The following MGRN1 variants were observed in gnomAD, a reference collection of about 807,000 sequenced individuals.
MGRN1 encodes mahogunin ring finger 1.
MGRN1 carries 29 observed loss-of-function variants against 69.2 expected under a neutral mutation model. The ratio of observed to expected loss-of-function variants is 0.42; its 90% CI spans 0.31 to 0.57. The LOEUF (loss-of-function observed/expected upper bound fraction) is 0.57. Ranked by LOEUF, MGRN1 falls within the 20% of genes least tolerant of loss-of-function variation. The pLI is 0.15. For synonymous variants in MGRN1, 470 were observed against 344.2 expected (o/e 1.37, Z -4.04); for missense variants, 998 against 796.2 (o/e 1.25, Z -3.05).
chr16:4,628,930 G>A (rs1897843132), intron 1 of MGRN1, among the ~76,000 whole-genome samples: 2 of 152,062 alleles, frequency 1.3e-5, no homozygotes, highest in African/African-American at 2.4e-5. Flanking sequence ...TCTGCCTCCT[G>A]GTTTCAAGTG....
intron 1 of MGRN1, among the ~76,000 whole-genome samples, chr16:4,642,821 C>CTGTTGCCTAGGCTA (rs1346183580): frequency 6.6e-6 from 1 of 150,444 alleles, no homozygotes; most frequent in Non-Finnish European, 1.5e-5. Flanking sequence ...GGGTCTGGCT[C>CTGTTGCCTAGGCTA]TGTTGCCTAG....
At chr16:4,650,747 C>G (rs2078387970) in intron 2 of MGRN1, 1 of 343,248 alleles carries the variant, frequency 2.9e-6, no homozygotes, top group Non-Finnish European at 5.3e-6. Flanking sequence ...GTCTGGGCTG[C>G]AACGGCTGCG....
intron 10 of MGRN1, among the ~76,000 whole-genome samples, chr16:4,674,582 TTTTTTTTTCTTTTCTTTTC>T (rs1453037498): frequency 7.3e-4 from 106 of 144,326 alleles, no homozygotes; most frequent in African/African-American, 2.5e-3. Context: ...CCACCGCTTT[TTTTTTTTTCTTTTCTTTTC>T]TTTTTTTTTC....
chr16:4,673,091 G>C (rs2078976526), intron 9 of MGRN1, among the ~76,000 whole-genome samples: 1 of 152,224 alleles, frequency 6.6e-6, no homozygotes, highest in East Asian at 1.9e-4. Context: ...GCCCGCCTCA[G>C]CCTCCCAAAG....
chr16:4,676,162 C>G (rs1186784838), intron 10 of MGRN1, among the ~76,000 whole-genome samples: 1 of 152,242 alleles, frequency 6.6e-6, no homozygotes, highest in African/African-American at 2.4e-5. Context: ...AGTGAAGAGG[C>G]TGCTGGGGCC....
intron 6 of MGRN1, 71 bp downstream of exon 6, chr16:4,664,846 G>A: frequency 6.3e-7 from 1 of 1,578,910 alleles, no homozygotes; most frequent in Non-Finnish European, 8.7e-7. Flanking sequence ...TGAGGGAGGA[G>A]TGCTTGCAGC....
At chr16:4,625,294 C>T (rs560367688) in intron 1 of MGRN1, among the ~76,000 whole-genome samples, 117 of 152,316 alleles carry the variant, frequency 7.7e-4, no homozygotes, top group African/African-American at 2.7e-3. Flanking sequence ...GCAGTCCCTT[C>T]GCCCCGGGCA....
At chr16:4,626,585 C>T (rs960733895) in intron 1 of MGRN1, among the ~76,000 whole-genome samples, 10 of 152,332 alleles carry the variant, frequency 6.6e-5, no homozygotes, top group Admixed American at 6.5e-4. Context: ...AAGTGACTAG[C>T]TAATGACCAT....
intron 7 of MGRN1, among the ~76,000 whole-genome samples, chr16:4,667,396 G>A (rs549609603): frequency 2.0e-5 from 3 of 152,322 alleles, no homozygotes; most frequent in South Asian, 4.1e-4. Context: ...TGGGCAGAGG[G>A]CAGCCTTCTG....
intron 8 of MGRN1, among the ~76,000 whole-genome samples, chr16:4,669,626 C>T (rs184906135): frequency 2.6e-5 from 4 of 151,978 alleles, no homozygotes; most frequent in African/African-American, 7.2e-5. Flanking sequence ...AAATATTTGC[C>T]GAATGGATGG....
intron 16 of MGRN1, chr16:4,686,254 C>T (rs375848048): frequency 3.8e-5 from 58 of 1,543,316 alleles, no homozygotes; most frequent in South Asian, 8.3e-5. Context: ...CCCCTCTCCG[C>T]GCAGCCCTGG....
chr16:4,628,505 G>T (rs544514544), intron 1 of MGRN1, among the ~76,000 whole-genome samples: 1 of 152,046 alleles, frequency 6.6e-6, no homozygotes, highest in East Asian at 1.9e-4. Flanking sequence ...TCTGTTTGCA[G>T]AGTCCCTACC....
Position 4,652,694 on chromosome 16 carries a change from G to C in MGRN1, c.313G>C (p.Asp105His), listed in dbSNP as rs201331866. ...LRLVRYKDDA[D>H]SPTEDGDKPR... ...CTGGGGTAGGTACAAAGACGATGCCGACAGCCCCACCGAGGACGGCGACAA... is the reference window on the plus strand; with the variant it reads ...CTGGGGTAGGTACAAAGACGATGCCCACAGCCCCACCGAGGACGGCGACAA... Residue 105 changes from aspartate to histidine, a missense_variant, in exon 4 of 17, where the codon GAC becomes CAC. By Grantham distance (81) the Asp-to-His change is moderately conservative (BLOSUM62 -1). Coordinates refer to ENST00000262370, the MANE Select transcript of MGRN1 (RefSeq NM_015246.4). The C allele has an allele frequency of 3.7e-6, 6 of 1,612,796 alleles. No homozygotes were observed. The Middle Eastern group carries it at 9.9e-4, about 266-fold the overall frequency.
intron 16 of MGRN1, chr16:4,686,266 G>T: frequency 1.1e-5 from 17 of 1,544,306 alleles, no homozygotes; most frequent in Non-Finnish European, 1.5e-5. Context: ...CAGCCCTGGG[G>T]CCCGACTCCT....
At chr16:4,677,168 G>A (rs891966743) in intron 10 of MGRN1, 7 of 280,318 alleles carry the variant, frequency 2.5e-5, no homozygotes, top group African/African-American at 6.6e-5. Context: ...TTTCCTGCCC[G>A]GGGCCATTTC....
At chr16:4,677,202 T>A (rs1435937688) in intron 10 of MGRN1, 2 of 367,922 alleles carry the variant, frequency 5.4e-6, no homozygotes, top group Non-Finnish European at 9.8e-6. Flanking sequence ...TTGCGGGAGT[T>A]CTGTCTCTCG....
intron 1 of MGRN1, among the ~76,000 whole-genome samples, chr16:4,643,296 A>G (rs1340340167): frequency 1.3e-5 from 2 of 151,430 alleles, no homozygotes; most frequent in African/African-American, 2.4e-5. Context: ...GGGTTTTGCC[A>G]TGTTGTCCAG....
chr16:4,679,365 C>A (rs1197488760), intron 11 of MGRN1, among the ~76,000 whole-genome samples: 1 of 152,180 alleles, frequency 6.6e-6, no homozygotes, highest in East Asian at 1.9e-4. Context: ...TGTGACCAGG[C>A]AGCTCTGACC....
intron 1 of MGRN1, among the ~76,000 whole-genome samples, chr16:4,629,221 A>G (rs531379971): frequency 8.8e-4 from 130 of 148,500 alleles, no homozygotes; most frequent in African/African-American, 2.7e-3. Flanking sequence ...CTTTTGTCCA[A>G]TTTTCAAAAA....
Sources: gnomAD v4.1 joint callset for allele counts (sites outside exome capture counted in the v4.1 genomes callset) on GRCh38, gnomAD v4.1.1 for gene constraint, MANE v1.5 for transcripts, NCBI Gene and HGNC (gene_info 2026-07-23, HGNC 2026-07-21) for gene names.